Variants in TASP1 observed in about 807,000 individuals in gnomAD.
The protein encoded by TASP1 is taspase 1, also known as threonine aspartase 1.
TASP1 carries 16 observed loss-of-function variants against 56.6 expected under a neutral mutation model. The ratio of observed to expected loss-of-function variants is 0.28; its 90% CI spans 0.19 to 0.43. The LOEUF (loss-of-function observed/expected upper bound fraction) is 0.43. Ranked by LOEUF, TASP1 falls within the 20% of genes least tolerant of loss-of-function variation. TASP1 has a pLI of 1.00. For synonymous variants in TASP1, 179 were observed against 184.2 expected (o/e 0.97, Z 0.23); for missense variants, 393 against 511.6 (o/e 0.77, Z 2.24).
chr20:13,576,871 G>A (rs1250531296), intron 6 of TASP1, among the ~76,000 whole-genome samples: 1 of 152,040 alleles, frequency 6.6e-6, no homozygotes, highest in African/African-American at 2.4e-5. Context: ...TCTCCCATAT[G>A]TTTTCTCTTT....
At chr20:13,288,796 T>C in the TASP1 span, 1 of 1,181,552 alleles carries the variant, frequency 8.5e-7, no homozygotes, top group African/African-American at 1.5e-5. Context: ...CTTTTCTTTT[T>C]TTTTTTGAGA....
intron 10 of TASP1, among the ~76,000 whole-genome samples, chr20:13,518,544 C>T (rs1379074333): frequency 2.0e-5 from 3 of 152,110 alleles, no homozygotes; most frequent in African/African-American, 4.8e-5. Context: ...GCATCCTCTG[C>T]TCTTATCAAG....
intron 1 of TASP1, among the ~76,000 whole-genome samples, chr20:13,636,312 ATTT>A (rs1173047379): frequency 3.0e-5 from 4 of 132,804 alleles, no homozygotes; most frequent in Admixed American, 1.5e-4. Context: ...TGCCGGGCTA[ATTT>A]TTTTTTTTTT....
the TASP1 span, among the ~76,000 whole-genome samples, chr20:13,334,325 C>A: frequency 6.6e-6 from 1 of 152,214 alleles, no homozygotes; most frequent in Non-Finnish European, 1.5e-5. Context: ...GGGAAGATGG[C>A]ACCTGAATTA....
the TASP1 span, among the ~76,000 whole-genome samples, chr20:13,307,374 T>C: frequency 1.3e-5 from 2 of 152,156 alleles, no homozygotes; most frequent in African/African-American, 2.4e-5. Context: ...AATACACCCA[T>C]GTCACCAACA....
chr20:13,408,800 C>T (rs966160174), intron 13 of TASP1, among the ~76,000 whole-genome samples: 1 of 152,138 alleles, frequency 6.6e-6, no homozygotes, highest in Non-Finnish European at 1.5e-5. Flanking sequence ...TTAATGCCTA[C>T]AGAATCGGTG....
the TASP1 span, among the ~76,000 whole-genome samples, chr20:13,176,876 A>G: frequency 1.3e-5 from 2 of 152,198 alleles, no homozygotes; most frequent in Non-Finnish European, 2.9e-5. Flanking sequence ...ACCAAAAACA[A>G]TAGAATACCA....
At chr20:13,109,217 C>T in the TASP1 span, among the ~76,000 whole-genome samples, 3 of 152,194 alleles carry the variant, frequency 2.0e-5, no homozygotes, top group Non-Finnish European at 4.4e-5. Flanking sequence ...TTATATTTGA[C>T]ATTAGAAGTT....
the TASP1 span, among the ~76,000 whole-genome samples, chr20:13,322,199 C>G: frequency 6.6e-6 from 1 of 152,220 alleles, no homozygotes; most frequent in African/African-American, 2.4e-5. Context: ...TCCAATTTGA[C>G]AGCTTTTTAG....
chr20:13,601,872 T>C (rs2047971891), intron 4 of TASP1, among the ~76,000 whole-genome samples: 1 of 128,884 alleles, frequency 7.8e-6, no homozygotes, highest in Admixed American at 7.8e-5. Context: ...CCCATTCTTT[T>C]TTTTTTTTTT....
At chr20:13,601,642 A>T (rs2047960495) in intron 4 of TASP1, among the ~76,000 whole-genome samples, 1 of 152,126 alleles carries the variant, frequency 6.6e-6, no homozygotes, top group Non-Finnish European at 1.5e-5. Flanking sequence ...CTTAAGTGTG[A>T]GGTACCTATA....
intron 6 of TASP1, among the ~76,000 whole-genome samples, chr20:13,578,454 C>A (rs1026845403): frequency 1.3e-5 from 2 of 152,028 alleles, no homozygotes; most frequent in African/African-American, 4.8e-5. Flanking sequence ...TAATTCTGAT[C>A]GTAGTATCTT....
At chr20:13,247,535 TG>T in the TASP1 span, among the ~76,000 whole-genome samples, 1 of 151,372 alleles carries the variant, frequency 6.6e-6, no homozygotes, top group African/African-American at 2.4e-5. Flanking sequence ...TGTGTGTGTG[TG>T]TGTGTGTGTG....
At chr20:13,356,899 T>G in the TASP1 span, among the ~76,000 whole-genome samples, 1 of 152,192 alleles carries the variant, frequency 6.6e-6, no homozygotes, top group South Asian at 2.1e-4. Flanking sequence ...GTGGTCTTTT[T>G]GTAGAGTTGG....
chr20:13,347,366 A>G, the TASP1 span, among the ~76,000 whole-genome samples: 104 of 152,294 alleles, frequency 6.8e-4, no homozygotes, highest in African/African-American at 2.2e-3. Context: ...ATTGTGCCTG[A>G]AAACCTAAAA....
At chr20:13,455,117 C>A (rs6042121) in intron 11 of TASP1, among the ~76,000 whole-genome samples, 2 of 151,660 alleles carry the variant, frequency 1.3e-5, no homozygotes, top group Non-Finnish European at 2.9e-5. Flanking sequence ...CTTAAAAAAA[C>A]AGGGAAAAAT....
At chr20:13,547,141 TA>T (rs2045837199) in intron 8 of TASP1, among the ~76,000 whole-genome samples, 1 of 152,118 alleles carries the variant, frequency 6.6e-6, no homozygotes, top group Non-Finnish European at 1.5e-5. Flanking sequence ...GTGATAAGGA[TA>T]AAGTAACAAA....
At chr20:13,446,517 T>C (rs2043417130) in intron 11 of TASP1, among the ~76,000 whole-genome samples, 1 of 151,992 alleles carries the variant, frequency 6.6e-6, no homozygotes, top group South Asian at 2.1e-4. Flanking sequence ...CCCCACAAAA[T>C]AATACAAAAT....
At chr20:13,348,424 A>AC in the TASP1 span, among the ~76,000 whole-genome samples, 10 of 152,246 alleles carry the variant, frequency 6.6e-5, no homozygotes, top group Admixed American at 4.6e-4. Flanking sequence ...ACTCTTTGGA[A>AC]CCCCCCGTGG....
Sources: gnomAD v4.1 joint callset for allele counts (sites outside exome capture counted in the v4.1 genomes callset) on GRCh38, gnomAD v4.1.1 for gene constraint, MANE v1.5 for transcripts, NCBI Gene and HGNC (gene_info 2026-07-23, HGNC 2026-07-21) for gene names.